Variants in TNS3 observed in about 807,000 individuals in gnomAD.
TNS3 encodes tensin-3.
A neutral mutation model predicts 140.9 loss-of-function variants in TNS3; 45 were observed. The observed-to-expected ratio is 0.32, with a 90% CI of 0.25 to 0.41. TNS3 has a LOEUF of 0.41. Among genes scored for constraint, TNS3 ranks in the 10% least tolerant of loss-of-function variants. The pLI, the probability that TNS3 is intolerant of heterozygous loss-of-function variation, is 1.00. For missense variants in TNS3, 1,716 were observed against 1,906.7 expected (o/e 0.90, Z 1.86); for synonymous variants, 815 against 788.4 (o/e 1.03, Z -0.56).
rs1784924766 is a variant in TNS3 at position 47,277,625 on chromosome 7, C to T, written c.*451G>A. 3 of 238,234 alleles carry T rather than the reference C, an allele frequency of 1.3e-5. No individual in the cohort carries two copies. Among genetic ancestry groups the T allele is most frequent in the Non-Finnish European group, 2.5e-5 (3 of 120,192 alleles). The allele number at this position is 238,234 out of a possible 1,614,324, so 14.8% of individuals were successfully genotyped here. A position where few individuals can be genotyped will look rare whatever the true frequency, so the allele number is the denominator to read the frequency against. On this transcript the variant is annotated 3_prime_UTR_variant, in exon 31 of 31. Coordinates refer to ENST00000311160, the MANE Select transcript of TNS3 (RefSeq NM_022748.12). ...GGGAAGACCGAGGTGAGGGAAACCC[C>T]CGGCCTCGGGTGCAGCTGGACAGAA...
At chr7:47,555,010 G>A (rs1800158892) in intron 1 of TNS3, among the ~76,000 whole-genome samples, 1 of 150,954 alleles carries the variant, frequency 6.6e-6, no homozygotes, top group African/African-American at 2.4e-5. Flanking sequence ...CCTGGCAACA[G>A]AGCGAGACTC....
At chr7:47,509,035 T>C (rs1173313495) in intron 2 of TNS3, among the ~76,000 whole-genome samples, 1 of 152,112 alleles carries the variant, frequency 6.6e-6, no homozygotes, top group African/African-American at 2.4e-5. Context: ...ACTGACACAG[T>C]GGGAGATAAC....
At chr7:47,363,264 C>A (rs553467409) in intron 17 of TNS3, among the ~76,000 whole-genome samples, 197 of 151,952 alleles carry the variant, frequency 1.3e-3, no homozygotes, top group Non-Finnish European at 2.0e-3. Flanking sequence ...TCACCACCAT[C>A]AATATCATCA....
At chr7:47,563,282 G>A (rs750665598) in intron 1 of TNS3, among the ~76,000 whole-genome samples, 11 of 152,222 alleles carry the variant, frequency 7.2e-5, no homozygotes, top group Non-Finnish European at 1.3e-4. Flanking sequence ...CCTACCATCT[G>A]GACGGTGAGA....
intron 17 of TNS3, among the ~76,000 whole-genome samples, chr7:47,361,113 T>C (rs1790291093): frequency 6.7e-6 from 1 of 149,224 alleles, no homozygotes; most frequent in South Asian, 2.1e-4. Flanking sequence ...CCTGCCTAAA[T>C]GCTATCCTCC....
intron 17 of TNS3, among the ~76,000 whole-genome samples, chr7:47,362,606 CAG>C (rs1195755744): frequency 1.3e-5 from 2 of 152,144 alleles, no homozygotes; most frequent in Non-Finnish European, 2.9e-5. Context: ...GGTGCAGAGT[CAG>C]AGAGACGAGA....
intron 20 of TNS3, among the ~76,000 whole-genome samples, chr7:47,328,632 C>T (rs1045779051): frequency 4.6e-5 from 7 of 152,336 alleles, no homozygotes; most frequent in Admixed American, 4.6e-4. Flanking sequence ...CTCTGCCCCC[C>T]ACCCCGGCAG....
chr7:47,552,764 T>C (rs939275769), intron 1 of TNS3, among the ~76,000 whole-genome samples: 8 of 152,184 alleles, frequency 5.3e-5, no homozygotes, highest in Non-Finnish European at 7.3e-5. Flanking sequence ...ACCAGTAGTG[T>C]TGAAGTGAAA....
At chr7:47,397,665 C>T (rs1028278586) in intron 15 of TNS3, among the ~76,000 whole-genome samples, 1 of 152,102 alleles carries the variant, frequency 6.6e-6, no homozygotes, top group African/African-American at 2.4e-5. Context: ...TTATCAAAAC[C>T]TCTGGGATAC....
At chr7:47,387,233 A>G (rs1027919085) in intron 16 of TNS3, among the ~76,000 whole-genome samples, 2 of 152,228 alleles carry the variant, frequency 1.3e-5, no homozygotes, top group Non-Finnish European at 2.9e-5. Context: ...AAAAACAGAA[A>G]AAGATCAAGG....
intron 4 of TNS3, among the ~76,000 whole-genome samples, chr7:47,475,537 G>C (rs879497246): frequency 6.8e-4 from 103 of 152,336 alleles, no homozygotes; most frequent in Admixed American, 2.5e-3. Context: ...CTTCCCCGGG[G>C]GGGGGGCCAG....
chr7:47,500,297 C>T (rs2941533), intron 3 of TNS3, among the ~76,000 whole-genome samples: 142,794 of 152,252 alleles, frequency 0.94, 67,666 homozygotes, highest in East Asian at 1. Context: ...TAACTGCCTC[C>T]GCCCTTAGAG....
At chr7:47,427,248 C>T (rs569016372) in intron 9 of TNS3, among the ~76,000 whole-genome samples, 6 of 152,084 alleles carry the variant, frequency 3.9e-5, no homozygotes, top group African/African-American at 1.4e-4. Context: ...CCAGGAATCT[C>T]GATTTTCCTG....
intron 10 of TNS3, among the ~76,000 whole-genome samples, chr7:47,418,746 T>C (rs1415884579): frequency 6.6e-6 from 1 of 152,252 alleles, no homozygotes; most frequent in African/African-American, 2.4e-5. Flanking sequence ...AGTTGTCCCT[T>C]GCATTATTCA....
At chr7:47,356,101 T>A (rs948538429) in intron 17 of TNS3, among the ~76,000 whole-genome samples, 7 of 152,172 alleles carry the variant, frequency 4.6e-5, no homozygotes, top group African/African-American at 1.7e-4. Flanking sequence ...CACAGCAGGG[T>A]CACAAATCTT....
chr7:47,452,297 T>C (rs1475576655), intron 4 of TNS3, among the ~76,000 whole-genome samples: 1 of 152,192 alleles, frequency 6.6e-6, no homozygotes, highest in African/African-American at 2.4e-5. Context: ...GCCACACAGT[T>C]AATAAGACAT....
chr7:47,465,655 T>G (rs552535185), intron 4 of TNS3, among the ~76,000 whole-genome samples: 1 of 152,124 alleles, frequency 6.6e-6, no homozygotes. Context: ...CCGGGCACAA[T>G]GGCTCACGTC....
intron 17 of TNS3, among the ~76,000 whole-genome samples, chr7:47,353,971 A>G (rs1174318686): frequency 6.9e-6 from 1 of 144,014 alleles, no homozygotes; most frequent in Non-Finnish European, 1.5e-5. Context: ...AAGGAAACAA[A>G]CAAACAAACA....
intron 4 of TNS3, among the ~76,000 whole-genome samples, chr7:47,480,800 TC>T (rs1374905526): frequency 6.6e-6 from 1 of 152,198 alleles, no homozygotes; most frequent in Non-Finnish European, 1.5e-5. Flanking sequence ...ACTTGTGCTG[TC>T]TTCACTTTAT....
Sources: gnomAD v4.1 joint callset for allele counts (sites outside exome capture counted in the v4.1 genomes callset) on GRCh38, gnomAD v4.1.1 for gene constraint, MANE v1.5 for transcripts, NCBI Gene and HGNC (gene_info 2026-07-23, HGNC 2026-07-21) for gene names.